The following NIPAL1 variants were observed in gnomAD, a reference collection of about 807,000 sequenced individuals.
NIPAL1 encodes the protein magnesium transporter NIPA3.
A neutral mutation model predicts 37.7 loss-of-function variants in NIPAL1; 35 were observed. The ratio of observed to expected loss-of-function variants is 0.93; its 90% CI spans 0.71 to 1.23. The LOEUF is 1.23. Among genes scored for constraint, NIPAL1 ranks in the 50% most tolerant of loss-of-function variants. NIPAL1 has a pLI of 0.00. For synonymous variants in NIPAL1, 162 were observed against 183.0 expected (o/e 0.89, Z 0.93); for missense variants, 412 against 473.9 (o/e 0.87, Z 1.21).
intron 1 of NIPAL1, among the ~76,000 whole-genome samples, chr4:48,018,594 T>G (rs1316821975): frequency 6.6e-6 from 1 of 152,164 alleles, no homozygotes; most frequent in Non-Finnish European, 1.5e-5. Context: ...GAAGAGTAGG[T>G]GCAGGTGGGA....
rs930035368 is a variant in NIPAL1, at chr4:48,039,135, A to G, written c.*2963A>G. 6.6e-6 allele frequency: 1 copy of G among 152,154 alleles called. No individual in the cohort carries two copies. Among genetic ancestry groups the G allele is most frequent in the African/African-American group, 2.4e-5 (1 of 41,428 alleles). The allele number at this position is 152,154 out of a possible 1,614,324, so 9.4% of individuals were successfully genotyped here. A position where few individuals can be genotyped will look rare whatever the true frequency, so the allele number is the denominator to read the frequency against. On this transcript the variant is annotated 3_prime_UTR_variant, in exon 6 of 6. Transcript: ENST00000295461. Reference sequence around the variant, plus strand: ...GCTGAGGCGGGTAGATCACAAGGACAGGAGTTCAAGACCAGCCTGGCCAAC... The same window carrying G: ...GCTGAGGCGGGTAGATCACAAGGACGGGAGTTCAAGACCAGCCTGGCCAAC...
At chr4:48,022,815 C>G (rs1715601237) in intron 1 of NIPAL1, among the ~76,000 whole-genome samples, 1 of 125,584 alleles carries the variant, frequency 8.0e-6, no homozygotes, top group South Asian at 2.3e-4. Flanking sequence ...GAGAGCCCAT[C>G]TCTACAAAAA....
chr4:48,034,694 G>A (rs10517204), intron 4 of NIPAL1, among the ~76,000 whole-genome samples, 187 bp from the exon 5 acceptor site: 124,595 of 152,134 alleles, frequency 0.82, 51,683 homozygotes, highest in Non-Finnish European at 0.89. Context: ...TATAAAAACA[G>A]TGAAGCATAT....
intron 1 of NIPAL1, among the ~76,000 whole-genome samples, chr4:48,021,160 T>C (rs577888329): frequency 7.4e-4 from 112 of 152,320 alleles, no homozygotes; most frequent in African/African-American, 2.6e-3. Context: ...ACTTAATATA[T>C]TGGCATCAGT....
At chr4:48,034,756 T>C in intron 4 of NIPAL1, 125 bp from the exon 5 acceptor site, 1 of 671,956 alleles carries the variant, frequency 1.5e-6, no homozygotes, top group Non-Finnish European at 2.6e-6. Context: ...TTCAGTGTCA[T>C]ATAGCATATT....
chr4:48,025,574 A>C lies in NIPAL1; in HGVS notation c.313+240A>C, dbSNP rs529212614. On this transcript the variant is annotated intron_variant, in intron 2 of 5. Transcript: ENST00000295461. ...TAAGTGTCACTATAAATAGCAGCCT[A>C]ATTCCATTGCTATCCATTTATTGAT... Among the ~76,000 whole-genome samples, 28 of 152,350 alleles carry C rather than the reference A, an allele frequency of 1.8e-4. No individual in the cohort carries two copies. The East Asian group carries it at 5.2e-3, about 28-fold the overall frequency.
rs1351200163 is a variant in NIPAL1, at chr4:48,023,825, C to A, written c.47-1243C>A. On this transcript the variant is annotated intron_variant, in intron 1 of 5. Transcript: ENST00000295461. ...TATTTAAATTCTTTTTATTAGATTCCATTTTCTTTAGGACAAAGTGGATTA... is the reference window on the plus strand; with the variant it reads ...TATTTAAATTCTTTTTATTAGATTCAATTTTCTTTAGGACAAAGTGGATTA... 2.6e-5 allele frequency among the ~76,000 whole-genome samples: 4 copies of A among 152,008 alleles called. No individual in the cohort carries two copies. The East Asian group carries it at 7.7e-4, about 29-fold the overall frequency.
intron 1 of NIPAL1, among the ~76,000 whole-genome samples, chr4:48,019,145 G>A (rs1715517112): frequency 6.6e-6 from 1 of 152,172 alleles, no homozygotes; most frequent in South Asian, 2.1e-4. Context: ...AGCCTCTCAA[G>A]TAGCTGGGAA....
chr4:48,035,572 C>T lies in NIPAL1; in HGVS notation c.633C>T (p.Ser211=). The part of the protein sequence containing the change: ...EMKLRDPGFI[S]FAVIITVISL... The stretch of plus-strand genomic sequence containing the variant: ...TTCTCCTTCTAACAGGGTTTATTTC[C>T]TTTGCTGTGATCATAACTGTGATCT... Residue 211 remains serine (S), a synonymous_variant, in exon 6 of 6, where the codon TCC becomes TCT. Transcript: ENST00000295461. 2 of 1,607,048 alleles carry T rather than the reference C, an allele frequency of 1.2e-6. No individual in the cohort carries two copies. The highest frequency in any genetic ancestry group is 1.7e-6 in the Non-Finnish European group (2 of 1,178,626).
chr4:48,024,992 G>C, intron 1 of NIPAL1, 76 bp from the exon 2 acceptor site: 1 of 1,339,212 alleles, frequency 7.5e-7, no homozygotes, highest in East Asian at 2.3e-5. Context: ...TCAAGGCTCT[G>C]TTTCCTGCAG....
At chr4:48,016,982 T>A in intron 1 of NIPAL1, 97 bp downstream of exon 1, 5 of 1,006,754 alleles carry the variant, frequency 5.0e-6, no homozygotes, top group Non-Finnish European at 7.4e-6. Flanking sequence ...AAAGGGGGGC[T>A]GTACCGACTC....
intron 2 of NIPAL1, among the ~76,000 whole-genome samples, chr4:48,028,771 A>G (rs1256884336): frequency 6.6e-6 from 1 of 152,168 alleles, no homozygotes; most frequent in Non-Finnish European, 1.5e-5. Context: ...ATGAACATAC[A>G]TTTTTCAAAA....
Position 48,039,939 on chromosome 4 carries a change from C to A in NIPAL1, c.*3767C>A, listed in dbSNP as rs1375003473. 1.3e-5 allele frequency: 2 copies of A among 152,042 alleles called. No homozygotes were observed. Among genetic ancestry groups the A allele is most frequent in the African/African-American group, 4.8e-5 (2 of 41,388 alleles). The allele number at this position is 152,042 out of a possible 1,614,324, so 9.4% of individuals were successfully genotyped here. A position where few individuals can be genotyped will look rare whatever the true frequency, so the allele number is the denominator to read the frequency against. ...ATCTCAACACCAATACAAAATTATT[C>A]CAATAAAAATATTTTTCTTAATAAA... On this transcript the variant is annotated 3_prime_UTR_variant, in exon 6 of 6. Coordinates refer to ENST00000295461, the MANE Select transcript of NIPAL1 (RefSeq NM_207330.3).
Position 48,035,676 on chromosome 4 carries a change from T to C in NIPAL1, c.737T>C (p.Ile246Thr), listed in dbSNP as rs1475473163. The C allele has an allele frequency of 1.2e-6, 2 of 1,613,906 alleles. No homozygotes were observed. Among genetic ancestry groups the C allele is most frequent in the Admixed American group, 1.7e-5 (1 of 59,942 alleles). ...GTTTATATTTCAATCTGTTCCTTGA[T>C]TGGAGCGTTTTCAGTTTCTTCTGTG... Reference protein sequence around the residue: ...ILVYISICSLIGAFSVSSVKG... With the variant: ...ILVYISICSLTGAFSVSSVKG... The change falls in exon 6 of 6, where the codon ATT becomes ACT. Residue 246 changes from isoleucine to threonine, a missense_variant. Physicochemically the swap from Ile to Thr is moderately conservative, Grantham distance 89. Coordinates refer to ENST00000295461, the MANE Select transcript of NIPAL1 (RefSeq NM_207330.3).
rs754472159 is a variant in NIPAL1, at chr4:48,035,723, A to C, written c.784A>C (p.Lys262Gln). The C allele has an allele frequency of 7.7e-5, 124 of 1,613,988 alleles. 1 individual carries two copies. In the South Asian group the frequency reaches 1.3e-3, roughly 17 times the overall value. The stretch of plus-strand genomic sequence containing the variant: ...TGTGAAAGGCCTGGGAATTGCCATT[A>C]AGGAGCTGATAGAATGGAAGCCAGT... The part of the protein sequence containing the change: ...SSVKGLGIAI[K>Q]ELIEWKPVYK... The change falls in exon 6 of 6, where the codon AAG becomes CAG. Residue 262 changes from lysine (K) to glutamine (Q), a missense_variant. By Grantham distance (53) the Lys-to-Gln change is moderately conservative. Transcript: ENST00000295461.
chr4:48,019,734 C>T (rs1009543896), intron 1 of NIPAL1, among the ~76,000 whole-genome samples: 10 of 152,142 alleles, frequency 6.6e-5, no homozygotes, highest in Non-Finnish European at 1.2e-4. Flanking sequence ...GGATTTTTTT[C>T]GGAATGAGAA....
In NIPAL1 at chr4:48,037,703, G is replaced by A. The variant is rs571460086; in HGVS notation, c.*1531G>A. 1 of 152,312 alleles carries A rather than the reference G, an allele frequency of 6.6e-6. No homozygotes were observed. Among genetic ancestry groups the A allele is most frequent in the African/African-American group, 2.4e-5 (1 of 41,524 alleles). 9.4% of individuals were successfully genotyped at this position (152,312 alleles called of 1,614,324 possible). ...AACTTCCTGGCAAACAAAATACTAA[G>A]ATCTCAGGGGCTACTGCAGGAAAAT... On this transcript the variant is annotated 3_prime_UTR_variant, in exon 6 of 6. Transcript: ENST00000295461.
Position 48,036,377 on chromosome 4 carries a change from A to G in NIPAL1, c.*205A>G, listed in dbSNP as rs1014741778. 1.1e-5 allele frequency: 6 copies of G among 521,986 alleles called. No homozygotes were observed. Among genetic ancestry groups the G allele is most frequent in the Non-Finnish European group, 1.7e-5 (5 of 300,794 alleles). The allele number at this position is 521,986 out of a possible 1,614,324, so 32.3% of individuals were successfully genotyped here. A position where few individuals can be genotyped will look rare whatever the true frequency, so the allele number is the denominator to read the frequency against. On this transcript the variant is annotated 3_prime_UTR_variant, in exon 6 of 6. Coordinates refer to ENST00000295461, the MANE Select transcript of NIPAL1 (RefSeq NM_207330.3). ...CCTCCAGAATCTCTACAAACTTTGA[A>G]ATACTCTCTAAGGATCAAAGAAGTC...
rs1715941848 is a variant in NIPAL1, at chr4:48,036,234, GC to G, written c.*63del. The G allele has an allele frequency of 1.7e-5, 24 of 1,449,782 alleles. No individual in the cohort carries two copies. The South Asian group carries it at 3.3e-4, about 20-fold the overall frequency. 89.8% of individuals were successfully genotyped at this position (1,449,782 alleles called of 1,614,324 possible). On this transcript the variant is annotated 3_prime_UTR_variant, in exon 6 of 6. Coordinates refer to ENST00000295461, the MANE Select transcript of NIPAL1 (RefSeq NM_207330.3). ...CACACGAAGAGGAAAATGAATGCTT[GC>G]TTCTTGGAAGAACTGCTAGGAAAGT...
Sources: allele counts gnomAD v4.1 joint callset (sites outside exome capture counted in the v4.1 genomes callset), GRCh38; gene constraint gnomAD v4.1.1; transcripts MANE v1.5; gene names NCBI Gene and HGNC (gene_info 2026-07-23, HGNC 2026-07-21).